FANCA: variants seen among roughly 807,000 people sequenced by gnomAD.
FANCA encodes the protein FA complementation group A, also known as Fanconi anemia group A protein.
In FANCA, 236 loss-of-function variants were observed where a neutral mutation model predicts 194.3. That is an observed-to-expected ratio of 1.21 (90% CI 1.09 to 1.35). The LOEUF (loss-of-function observed/expected upper bound fraction) is 1.35. FANCA is among the 40% of genes most tolerant of loss of function. FANCA has a pLI of 0.00. For synonymous variants in FANCA, 1,014 were observed against 715.8 expected (o/e 1.42, Z -6.65); for missense variants, 2,628 against 1,813.9 (o/e 1.45, Z -8.15).
At chr16:89,759,479 C>T (rs1031786578) in intron 29 of FANCA, among the ~76,000 whole-genome samples, 2 of 151,682 alleles carry the variant, frequency 1.3e-5, no homozygotes, top group South Asian at 2.1e-4. Context: ...GAGACACTGA[C>T]TCAAAACTGC....
intron 40 of FANCA, 46 bp from the exon 41 acceptor site, chr16:89,739,335 G>T: frequency 8.7e-6 from 14 of 1,611,158 alleles, no homozygotes; most frequent in Non-Finnish European, 1.2e-5. Flanking sequence ...CTGCTGGAAA[G>T]GTAGCAGGTG....
At chr16:89,762,660 G>T (rs1181308908) in intron 28 of FANCA, 1 of 313,300 alleles carries the variant, frequency 3.2e-6, no homozygotes, top group Non-Finnish European at 6.6e-6. Flanking sequence ...TTGGAAACAG[G>T]TTCTGTTGCC....
At chr16:89,792,829 T>G (rs1477820387) in intron 11 of FANCA, 1 of 395,760 alleles carries the variant, frequency 2.5e-6, no homozygotes, top group Non-Finnish European at 4.9e-6. Context: ...GTGAGTCATC[T>G]CCAATGATAG....
At chr16:89,816,053 G>A (rs1265702411) in intron 1 of FANCA, 67 bp from the exon 2 acceptor site, 5 of 1,202,390 alleles carry the variant, frequency 4.2e-6, no homozygotes, top group African/African-American at 1.5e-5. Context: ...GGCCCGACGC[G>A]CAGGTGGACG....
At chr16:89,790,135 C>G (rs1567634421) in intron 14 of FANCA, among the ~76,000 whole-genome samples, 1 of 152,224 alleles carries the variant, frequency 6.6e-6, no homozygotes, top group Non-Finnish European at 1.5e-5. Flanking sequence ...GGCACGGTGG[C>G]TCATGCCTGT....
intron 26 of FANCA, among the ~76,000 whole-genome samples, chr16:89,768,119 C>A (rs2039193917): frequency 6.6e-6 from 1 of 152,168 alleles, no homozygotes; most frequent in African/African-American, 2.4e-5. Flanking sequence ...ACAGTGAGAC[C>A]CCATCTCTCA....
At chr16:89,810,658 G>C in intron 5 of FANCA, 49 bp downstream of exon 5, 1 of 1,225,512 alleles carries the variant, frequency 8.2e-7, no homozygotes, top group Non-Finnish European at 1.2e-6. Flanking sequence ...CAGATCAACA[G>C]AACATTGCCT....
At chr16:89,774,036 T>G (rs2039412254) in intron 21 of FANCA, among the ~76,000 whole-genome samples, 1 of 152,136 alleles carries the variant, frequency 6.6e-6, no homozygotes, top group South Asian at 2.1e-4. Flanking sequence ...CTCAAAGTGC[T>G]GGGATTACGG....
intron 39 of FANCA, 174 bp from the exon 40 acceptor site, chr16:89,739,727 TG>T (rs942826434): frequency 2.4e-5 from 36 of 1,499,098 alleles, no homozygotes; most frequent in African/African-American, 1.8e-4. Context: ...TGGGAGAGGA[TG>T]GGGGGGTCGA....
intron 11 of FANCA, among the ~76,000 whole-genome samples, chr16:89,793,994 C>A (rs925646383): frequency 2.0e-5 from 3 of 152,126 alleles, no homozygotes; most frequent in Non-Finnish European, 4.4e-5. Context: ...TCGTGACCTG[C>A]CCGTCTCAGC....
chr16:89,801,343 C>CAAAAAAAAAA (rs60802306), intron 8 of FANCA, among the ~76,000 whole-genome samples: 1 of 100,334 alleles, frequency 1.0e-5, no homozygotes, highest in African/African-American at 3.8e-5. Context: ...GACTCTGTCT[C>CAAAAAAAAAA]AAAAAAAAAA....
intron 3 of FANCA, among the ~76,000 whole-genome samples, chr16:89,813,409 TA>T (rs34267963): frequency 2.7e-3 from 372 of 139,484 alleles, no homozygotes; most frequent in Non-Finnish European, 2.8e-3. Context: ...CCCTGTCTGT[TA>T]AAAAAAAAAA....
intron 14 of FANCA, among the ~76,000 whole-genome samples, chr16:89,787,981 C>T (rs180919909): frequency 3.3e-5 from 5 of 151,818 alleles, no homozygotes; most frequent in Admixed American, 2.6e-4. Context: ...TCAAGGAATT[C>T]TCCTGCCTCG....
chr16:89,780,098 A>G, intron 17 of FANCA, 141 bp from the exon 18 acceptor site: 5 of 781,048 alleles, frequency 6.4e-6, no homozygotes, highest in Non-Finnish European at 1.1e-5. Flanking sequence ...TGCTGTGCGC[A>G]CAGCAGGGGC....
At chr16:89,780,758 A>G (rs2039673002) in intron 17 of FANCA, among the ~76,000 whole-genome samples, 1 of 151,972 alleles carries the variant, frequency 6.6e-6, no homozygotes, top group Admixed American at 6.6e-5. Context: ...GGGAGACCCT[A>G]TGTCTGCAAA....
intron 3 of FANCA, among the ~76,000 whole-genome samples, chr16:89,812,293 A>C (rs1245717443): frequency 2.7e-5 from 4 of 150,134 alleles, no homozygotes; most frequent in African/African-American, 9.8e-5. Flanking sequence ...AGCCGAGATC[A>C]CGCCACTACA....
At chr16:89,740,412 G>C in intron 38 of FANCA, 1 of 470,768 alleles carries the variant, frequency 2.1e-6, no homozygotes, top group South Asian at 2.3e-5. Context: ...GGCCGAGGTC[G>C]GCGGATCACT....
Position 89,739,554 on chromosome 16 carries a change from C to T in FANCA, c.3935-1G>A, listed in dbSNP as rs1555533693. ...AGGAGGAGCCGCCCCAGCCTGAGGT[C>T]TGCAACACCAAGAAGTGGCTCAGGC... On this transcript the variant is annotated splice_acceptor_variant, in intron 39 of 42. Coordinates refer to ENST00000389301, the MANE Select transcript of FANCA (RefSeq NM_000135.4). LOFTEE classifies it high-confidence loss of function. 1 of 1,551,184 alleles carries T rather than the reference C, an allele frequency of 6.4e-7. No individual in the cohort carries two copies. The highest frequency in any genetic ancestry group is 8.7e-7 in the Non-Finnish European group (1 of 1,146,992).
At chr16:89,814,428 A>C (rs2041021252) in intron 3 of FANCA, 92 bp downstream of exon 3, 2 of 1,019,942 alleles carry the variant, frequency 2.0e-6, no homozygotes, top group South Asian at 2.8e-5. Context: ...TCGCCTGAGA[A>C]AATTTACATT....
Sources: allele counts gnomAD v4.1 joint callset (sites outside exome capture counted in the v4.1 genomes callset), GRCh38; gene constraint gnomAD v4.1.1; transcripts MANE v1.5; gene names NCBI Gene and HGNC (gene_info 2026-07-23, HGNC 2026-07-21).